Variants in ADAMTS9 observed in about 807,000 individuals in gnomAD.
ADAMTS9 encodes the protein ADAM metallopeptidase with thrombospondin type 1 motif 9, also known as A disintegrin and metalloproteinase with thrombospondin motifs 9.
In ADAMTS9, 107 loss-of-function variants were observed where a neutral mutation model predicts 257.1. The ratio of observed to expected loss-of-function variants is 0.42; its 90% CI spans 0.36 to 0.49. The LOEUF (loss-of-function observed/expected upper bound fraction) is 0.49, where lower values mean the gene tolerates loss of function less well. Among genes scored for constraint, ADAMTS9 ranks in the 20% least tolerant of loss-of-function variants. The pLI is 0.03. For synonymous variants in ADAMTS9, 982 were observed against 880.9 expected, an observed-to-expected ratio of 1.11 and a Z score of -2.03; for missense variants, 2,353 against 2,469.1, an observed-to-expected ratio of 0.95 and a Z score of 1.00.
rs762089819 is a variant in ADAMTS9 at position 64,561,595 on chromosome 3, C to T, written c.4681G>A (p.Ala1561Thr). Residue 1561 changes from alanine to threonine, a missense_variant, in exon 30 of 40, where the codon GCA becomes ACA. Physicochemically the swap from Ala to Thr is moderately conservative, Grantham distance 58 (BLOSUM62 0). Around this residue, in one of 3 missense-constraint regions of ADAMTS9, gnomAD observed 1,402 missense variants for 1,441.4 expected, o/e 0.97. Coordinates refer to ENST00000498707, the MANE Select transcript of ADAMTS9 (RefSeq NM_182920.2). ...CTACTTACTTCTTGCCATTCCTCTG[C>T]CCTCCAAGTGTAGAGGGGACACCGT... ...GPRCPLYTWRAEEWQECTKTC... is the reference protein window; with the variant it reads ...GPRCPLYTWRTEEWQECTKTC... The T allele has an allele frequency of 2.5e-6, 4 of 1,613,426 alleles. No homozygotes were observed. The South Asian group carries it at 3.3e-5, about 13-fold the overall frequency.
chr3:64,580,104 A>C (rs533760279), intron 28 of ADAMTS9, among the ~76,000 whole-genome samples: 2 of 151,720 alleles, frequency 1.3e-5, no homozygotes, highest in Non-Finnish European at 2.9e-5. Flanking sequence ...AGATGGGTGC[A>C]AAAATGTATG....
chr3:64,664,925 T>G (rs1432618182), intron 3 of ADAMTS9, among the ~76,000 whole-genome samples: 1 of 152,214 alleles, frequency 6.6e-6, no homozygotes, highest in African/African-American at 2.4e-5. Context: ...CAGGACATCA[T>G]TTTTTCATGT....
intron 38 of ADAMTS9, among the ~76,000 whole-genome samples, chr3:64,525,896 A>G (rs948142370): frequency 6.7e-6 from 1 of 148,928 alleles, no homozygotes; most frequent in African/African-American, 2.4e-5. Context: ...GCCAAGTTAT[A>G]GTATTTAATA....
At chr3:64,665,779 T>A (rs2106996287) in intron 3 of ADAMTS9, among the ~76,000 whole-genome samples, 1 of 152,324 alleles carries the variant, frequency 6.6e-6, no homozygotes, top group East Asian at 1.9e-4. Context: ...GGGCTGGTCT[T>A]CACCCTACTA....
chr3:64,578,321 T>C (rs925063580), intron 28 of ADAMTS9, among the ~76,000 whole-genome samples: 3 of 151,032 alleles, frequency 2.0e-5, no homozygotes, highest in Non-Finnish European at 2.9e-5. Context: ...AGTACCACTA[T>C]GAAAGGACGG....
chr3:64,520,617 C>G (rs1005602978), intron 39 of ADAMTS9, among the ~76,000 whole-genome samples: 2 of 152,026 alleles, frequency 1.3e-5, no homozygotes, highest in Non-Finnish European at 2.9e-5. Flanking sequence ...ATTAATGGAA[C>G]AGAATAAGGA....
In ADAMTS9 at chr3:64,546,855, G is replaced by T. The variant is rs1183731486; in HGVS notation, c.4967C>A (p.Thr1656Asn). The T allele has an allele frequency of 1.9e-6, 3 of 1,614,066 alleles. No individual in the cohort carries two copies. In the African/African-American group the frequency reaches 4.0e-5, roughly 22 times the overall value. The change falls in exon 32 of 40, where the codon ACC becomes AAC. Residue 1656 changes from threonine to asparagine, a missense_variant. Thr to Asn is a moderately conservative substitution (Grantham distance 65). Around this residue, in one of 3 missense-constraint regions of ADAMTS9, gnomAD observed 1,402 missense variants for 1,441.4 expected, o/e 0.97. Coordinates refer to ENST00000498707, the MANE Select transcript of ADAMTS9 (RefSeq NM_182920.2). Reference sequence around the variant, plus strand: ...GGGCTGCGTGCCTGGGCAGTTGATGGTGGTTTGGTAGCTGTATTCATAATT... The same window carrying T: ...GGGCTGCGTGCCTGGGCAGTTGATGTTGGTTTGGTAGCTGTATTCATAATT... ...KENYEYSYQT[T>N]INCPGTQPPS...
At chr3:64,643,854 T>C (rs1242691508) in intron 11 of ADAMTS9, among the ~76,000 whole-genome samples, 1 of 152,088 alleles carries the variant, frequency 6.6e-6, no homozygotes. Context: ...TCTCAGTTCA[T>C]GTCGACATTT....
chr3:64,532,521 T>C (rs1233323649), intron 38 of ADAMTS9, among the ~76,000 whole-genome samples: 1 of 152,076 alleles, frequency 6.6e-6, no homozygotes, highest in Non-Finnish European at 1.5e-5. Flanking sequence ...CAGCACAGTG[T>C]TTCTCAAGCT....
chr3:64,548,078 T>C (rs1348696774), intron 31 of ADAMTS9, among the ~76,000 whole-genome samples: 1 of 152,160 alleles, frequency 6.6e-6, no homozygotes, highest in Non-Finnish European at 1.5e-5. Flanking sequence ...TGTTATGCTT[T>C]TTCTGGGGTG....
intron 38 of ADAMTS9, among the ~76,000 whole-genome samples, chr3:64,532,425 G>C (rs915006014): frequency 6.6e-6 from 1 of 152,152 alleles, no homozygotes; most frequent in African/African-American, 2.4e-5. Flanking sequence ...ACCTGAAGTA[G>C]GGTTTCTACC....
At chr3:64,583,837 AG>A (rs2106754863) in intron 28 of ADAMTS9, 1 of 152,296 alleles carries the variant, frequency 6.6e-6, no homozygotes, top group South Asian at 2.1e-4. Context: ...CAATGAAGTC[AG>A]GGGCTCCAGC....
rs549393727 is a variant in ADAMTS9 at position 64,543,924 on chromosome 3, C to A, written c.5065-1954G>T. 9.2e-5 allele frequency among the ~76,000 whole-genome samples: 14 copies of A among 152,246 alleles called. No individual in the cohort carries two copies. In the East Asian group the frequency reaches 1.2e-3, roughly 13 times the overall value. On this transcript the variant is annotated intron_variant, in intron 32 of 39. Transcript: ENST00000498707. ...TGATAAGCAACTTCAGCAAAGTCTCCGGATACAAATACAATGTGCAAAAAT... is the reference window on the plus strand; with the variant it reads ...TGATAAGCAACTTCAGCAAAGTCTCAGGATACAAATACAATGTGCAAAAAT...
intron 3 of ADAMTS9, among the ~76,000 whole-genome samples, chr3:64,670,331 TG>T (rs1411029797): frequency 3.9e-5 from 6 of 152,238 alleles, no homozygotes; most frequent in African/African-American, 1.4e-4. Flanking sequence ...GTTGTGTTTC[TG>T]GATACAGATG....
intron 3 of ADAMTS9, among the ~76,000 whole-genome samples, chr3:64,665,477 G>C (rs1007334864): frequency 1.3e-5 from 2 of 152,184 alleles, no homozygotes; most frequent in Non-Finnish European, 2.9e-5. Context: ...CATGCAAAGG[G>C]CTAGCACAGT....
intron 38 of ADAMTS9, chr3:64,522,539 C>T (rs575316171): frequency 1.3e-4 from 35 of 267,706 alleles, no homozygotes; most frequent in Non-Finnish European, 2.3e-4. Context: ...CATTTCTTGA[C>T]ACATAAAATC....
intron 38 of ADAMTS9, among the ~76,000 whole-genome samples, chr3:64,522,870 G>T (rs1186489474): frequency 6.6e-6 from 1 of 152,010 alleles, no homozygotes; most frequent in Non-Finnish European, 1.5e-5. Context: ...GGATTATTTT[G>T]TTATCAAATT....
intron 22 of ADAMTS9, among the ~76,000 whole-genome samples, chr3:64,608,324 T>C (rs1051245935): frequency 8.7e-6 from 1 of 114,998 alleles, no homozygotes; most frequent in Non-Finnish European, 1.8e-5. Flanking sequence ...ATAAATGAAA[T>C]ACAGAGTAGA....
chr3:64,539,142 G>A, intron 37 of ADAMTS9, 61 bp downstream of exon 37: 1 of 1,486,338 alleles, frequency 6.7e-7, no homozygotes, highest in Non-Finnish European at 9.4e-7. Flanking sequence ...TGCAACTGAG[G>A]ATGTTCCCGG....
Sources: allele counts gnomAD v4.1 joint callset (sites outside exome capture counted in the v4.1 genomes callset), GRCh38; gene constraint gnomAD v4.1.1; regional missense constraint gnomAD v4.1.1; transcripts MANE v1.5; gene names NCBI Gene and HGNC (gene_info 2026-07-23, HGNC 2026-07-21).